LARP4B: variants seen among roughly 807,000 people sequenced by gnomAD.
LARP4B encodes the protein la-related protein 4B.
LARP4B carries 12 observed loss-of-function variants against 89.8 expected under a neutral mutation model. The observed-to-expected ratio is 0.13, with a 90% CI of 0.09 to 0.22. The LOEUF (loss-of-function observed/expected upper bound fraction) is 0.22, where lower values mean the gene tolerates loss of function less well. Ranked by LOEUF, LARP4B falls within the 10% of genes least tolerant of loss-of-function variation. The pLI, the probability that LARP4B is intolerant of heterozygous loss-of-function variation, is 1.00. For missense variants in LARP4B, 757 were observed against 947.7 expected, an observed-to-expected ratio of 0.80 and a Z score of 2.64; for synonymous variants, 367 against 363.3, an observed-to-expected ratio of 1.01 and a Z score of -0.12.
At position 814,530 on chromosome 10, in the gene LARP4B, ATGG is replaced by A. The variant is rs1239298624; in HGVS notation, c.1929+209_1929+211del. On this transcript the variant is annotated intron_variant, in intron 17 of 17. Transcript: ENST00000316157. This position sits in a 1 kb window ranked among gnomAD's most constrained non-coding sequence, Gnocchi z 4.4. The stretch of plus-strand genomic sequence containing the variant: ...ACCAACACTGAAATAAAAGGACTAC[ATGG>A]TGGTCTGAGAAAGAACTAGAGTAGT... 4 of 1,047,146 alleles carry A rather than the reference ATGG, an allele frequency of 3.8e-6. No individual in the cohort carries two copies. In the African/African-American group the frequency reaches 6.3e-5, roughly 17 times the overall value. The allele number at this position is 1,047,146 out of a possible 1,614,324, so 64.9% of individuals were successfully genotyped here. A position where few individuals can be genotyped will look rare whatever the true frequency, so the allele number is the denominator to read the frequency against.
At chr10:864,386 T>G in intron 3 of LARP4B, 116 bp from the exon 4 acceptor site, 1 of 881,018 alleles carries the variant, frequency 1.1e-6, no homozygotes, top group East Asian at 2.6e-5. Context: ...AGCCTATGTA[T>G]TTATACACAC....
chr10:875,021 T>C (rs965032989), intron 3 of LARP4B, among the ~76,000 whole-genome samples: 8 of 152,246 alleles, frequency 5.3e-5, no homozygotes, highest in African/African-American at 1.9e-4. Context: ...AGAACTTTAG[T>C]AGCAGCTTCG....
At chr10:836,261 A>C in intron 8 of LARP4B, 142 bp downstream of exon 8, 1 of 589,854 alleles carries the variant, frequency 1.7e-6, no homozygotes, top group Non-Finnish European at 3.0e-6. Flanking sequence ...CACTGTGTGT[A>C]AATCCTGGGA....
At chr10:852,384 A>G (rs1834099659) in intron 5 of LARP4B, among the ~76,000 whole-genome samples, 1 of 152,226 alleles carries the variant, frequency 6.6e-6, no homozygotes, top group Admixed American at 6.5e-5. Flanking sequence ...ACACACTAAA[A>G]AACAACAAAT....
At chr10:946,947 C>T in the LARP4B span, among the ~76,000 whole-genome samples, 4 of 152,124 alleles carry the variant, frequency 2.6e-5, no homozygotes, top group Admixed American at 6.6e-5. Context: ...TGGCTCGTTG[C>T]AACCTCCACC....
chr10:902,895 G>A (rs929676316), intron 1 of LARP4B, among the ~76,000 whole-genome samples: 2 of 152,106 alleles, frequency 1.3e-5, no homozygotes, highest in Admixed American at 6.6e-5. Flanking sequence ...CGCCCACCTC[G>A]GCCTCGAAAA....
At chr10:829,340 A>C in intron 11 of LARP4B, 45 bp downstream of exon 11, 1 of 1,465,922 alleles carries the variant, frequency 6.8e-7, no homozygotes, top group Non-Finnish European at 9.2e-7. Flanking sequence ...CAAATTATCT[A>C]GCATAGTGTC....
chr10:861,004 C>T (rs1049101374), intron 5 of LARP4B, among the ~76,000 whole-genome samples: 3 of 151,880 alleles, frequency 2.0e-5, no homozygotes, highest in Non-Finnish European at 4.4e-5. Context: ...AAAATACAAA[C>T]AATTAGCCGG....
At chr10:950,998 T>G in the LARP4B span, among the ~76,000 whole-genome samples, 12 of 152,082 alleles carry the variant, frequency 7.9e-5, no homozygotes, top group African/African-American at 2.9e-4. Flanking sequence ...TCTCTCAGTC[T>G]CTCTCTCCCT....
At chr10:972,367 C>G in the LARP4B span, 1 of 412,644 alleles carries the variant, frequency 2.4e-6, no homozygotes, top group South Asian at 1.8e-5. Context: ...AGGGGAAGGC[C>G]CTCACCAGAT....
intron 3 of LARP4B, among the ~76,000 whole-genome samples, chr10:875,029 T>C (rs899523715): frequency 6.6e-6 from 1 of 152,172 alleles, no homozygotes; most frequent in African/African-American, 2.4e-5. Flanking sequence ...AGTAGCAGCT[T>C]CGAATGACAA....
At chr10:916,704 CAAAT>C (rs1455286471) in intron 1 of LARP4B, among the ~76,000 whole-genome samples, 3 of 152,066 alleles carry the variant, frequency 2.0e-5, no homozygotes, top group Non-Finnish European at 2.9e-5. Context: ...TCAAAACAAA[CAAAT>C]AAATAAAGAG....
intron 7 of LARP4B, among the ~76,000 whole-genome samples, chr10:837,877 A>G (rs1439306373): frequency 6.6e-6 from 1 of 152,232 alleles, no homozygotes; most frequent in African/African-American, 2.4e-5. Context: ...ACACGAAAAA[A>G]ATTTACAAAT....
chr10:865,397 C>T (rs571858401), intron 3 of LARP4B, among the ~76,000 whole-genome samples: 14 of 152,324 alleles, frequency 9.2e-5, no homozygotes, highest in African/African-American at 2.9e-4. Flanking sequence ...CTACTCAAAA[C>T]CCTCCCGCAT....
chr10:868,374 T>G (rs1324936603), intron 3 of LARP4B, among the ~76,000 whole-genome samples: 1 of 141,778 alleles, frequency 7.1e-6, no homozygotes, highest in Non-Finnish European at 1.5e-5. Context: ...TATTAAGATT[T>G]GCTTAAAAAA....
At chr10:922,280 CCCTGCTGCTCACCT>C (rs1837002534) in intron 1 of LARP4B, among the ~76,000 whole-genome samples, 2 of 152,246 alleles carry the variant, frequency 1.3e-5, no homozygotes, top group African/African-American at 2.4e-5. Flanking sequence ...TGCTCACTCA[CCCTGCTGCTCACCT>C]CCTGCTGTGC....
intron 1 of LARP4B, among the ~76,000 whole-genome samples, chr10:919,729 G>A (rs1012489766): frequency 1.3e-5 from 2 of 152,220 alleles, no homozygotes; most frequent in East Asian, 3.8e-4. Context: ...TATGAACACA[G>A]GTGTTGAAGT....
the LARP4B span, among the ~76,000 whole-genome samples, chr10:982,610 C>G: frequency 6.6e-6 from 1 of 152,180 alleles, no homozygotes; most frequent in Admixed American, 6.5e-5. Context: ...CTAAAATTTA[C>G]TATTTAAAGT....
intron 1 of LARP4B, among the ~76,000 whole-genome samples, chr10:920,139 G>C (rs571536587): frequency 6.6e-6 from 1 of 152,152 alleles, no homozygotes; most frequent in Non-Finnish European, 1.5e-5. Context: ...ATACCACAGC[G>C]GAGGGTGCGC....
Sources: gnomAD v4.1 joint callset for allele counts (sites outside exome capture counted in the v4.1 genomes callset) on GRCh38, gnomAD v4.1.1 for gene constraint, Gnocchi (gnomAD v3.1) non-coding constraint, MANE v1.5 for transcripts, NCBI Gene and HGNC (gene_info 2026-07-23, HGNC 2026-07-21) for gene names.